DSCAM: variants seen among roughly 807,000 people sequenced by gnomAD.
The protein encoded by DSCAM is cell adhesion molecule DSCAM.
In DSCAM, 47 loss-of-function variants were observed where a neutral mutation model predicts 217.7. The ratio of observed to expected loss-of-function variants is 0.22; its 90% CI spans 0.17 to 0.28. DSCAM has a LOEUF of 0.28. Ranked by LOEUF, DSCAM falls within the 10% of genes least tolerant of loss-of-function variation. The pLI, the probability that DSCAM is intolerant of heterozygous loss-of-function variation, is 1.00. For synonymous variants in DSCAM, 1,056 were observed against 1,015.3 expected (o/e 1.04, Z -0.76); for missense variants, 2,080 against 2,618.3 (o/e 0.79, Z 4.49).
At chr21:40,597,654 C>T (rs929209575) in intron 3 of DSCAM, among the ~76,000 whole-genome samples, 1 of 151,612 alleles carries the variant, frequency 6.6e-6, no homozygotes, top group African/African-American at 2.4e-5. Flanking sequence ...CTACAGGTGC[C>T]CACCACCACG....
chr21:40,056,587 T>C (rs1316444452), intron 28 of DSCAM, among the ~76,000 whole-genome samples: 1 of 152,066 alleles, frequency 6.6e-6, no homozygotes, highest in African/African-American at 2.4e-5. Context: ...AAAAAGTCAA[T>C]AAAGACTTTA....
chr21:40,647,062 T>A (rs1013417183), intron 3 of DSCAM, among the ~76,000 whole-genome samples: 26 of 152,254 alleles, frequency 1.7e-4, no homozygotes, highest in African/African-American at 5.3e-4. Flanking sequence ...CAAATATGCA[T>A]GGGGCTATGC....
chr21:40,731,852 C>A (rs1601185643), intron 1 of DSCAM, among the ~76,000 whole-genome samples: 2 of 151,772 alleles, frequency 1.3e-5, no homozygotes, highest in Middle Eastern at 6.8e-3. Flanking sequence ...CCTCAGCCTC[C>A]TGAGCAGATG....
At chr21:40,064,503 G>T (rs2089177036) in intron 27 of DSCAM, among the ~76,000 whole-genome samples, 1 of 152,134 alleles carries the variant, frequency 6.6e-6, no homozygotes, top group African/African-American at 2.4e-5. Context: ...CACAATGACT[G>T]CCATGCCGAC....
chr21:40,340,573 G>T (rs2074480607), intron 6 of DSCAM, among the ~76,000 whole-genome samples: 1 of 152,152 alleles, frequency 6.6e-6, no homozygotes, highest in African/African-American at 2.4e-5. Context: ...GCAATCACAT[G>T]CCACAGGATT....
intron 3 of DSCAM, among the ~76,000 whole-genome samples, chr21:40,516,448 G>A (rs756634225): frequency 1.3e-5 from 2 of 152,026 alleles, no homozygotes; most frequent in African/African-American, 2.4e-5. Context: ...CTCTTTAGCA[G>A]GAAGACAGGA....
intron 3 of DSCAM, among the ~76,000 whole-genome samples, chr21:40,676,878 A>ACGAGTCACGTGCATC (rs2090346024): frequency 6.6e-6 from 1 of 152,152 alleles, no homozygotes; most frequent in Admixed American, 6.5e-5. Context: ...AACTGTGGAA[A>ACGAGTCACGTGCATC]CGAGTCACGT....
chr21:40,057,996 C>A (rs142946038), intron 28 of DSCAM, among the ~76,000 whole-genome samples: 4,949 of 151,964 alleles, frequency 0.033, 157 homozygotes, highest in East Asian at 0.14. Context: ...CTTCCTCAGC[C>A]TCCCGAGTAG....
chr21:40,780,421 G>GTATATATATATATATATATA (rs1490666344), intron 1 of DSCAM, among the ~76,000 whole-genome samples: 524 of 47,770 alleles, frequency 0.011, 5 homozygotes, highest in African/African-American at 0.023. Context: ...GTGTGTGTGT[G>GTATATATATATATATATATA]TGTATATATA....
In DSCAM at chr21:40,287,025, T is replaced by G. The variant is rs371026723; in HGVS notation, c.2182+9030A>C. On this transcript the variant is annotated intron_variant, in intron 10 of 32. Transcript: ENST00000400454. The stretch of plus-strand genomic sequence containing the variant: ...CAGTATGATCTGCAGGTATCTGCGG[T>G]GTGATCTGCAGTGTGATCACAGTGT... Among the ~76,000 whole-genome samples the G allele has an allele frequency of 3.5e-4, 51 of 144,560 alleles. No homozygotes were observed. In the South Asian group the frequency reaches 9.6e-3, roughly 27 times the overall value. The allele number at this position is 144,560 out of a possible 152,430, so 94.8% of individuals were successfully genotyped here.
intron 3 of DSCAM, among the ~76,000 whole-genome samples, chr21:40,610,080 C>T (rs1248748447): frequency 6.6e-6 from 1 of 152,186 alleles, no homozygotes; most frequent in African/African-American, 2.4e-5. Context: ...AAGCACGGGG[C>T]TTGGGACATA....
intron 3 of DSCAM, among the ~76,000 whole-genome samples, chr21:40,472,069 TA>T (rs1199001499): frequency 1.3e-5 from 2 of 152,140 alleles, no homozygotes; most frequent in East Asian, 3.9e-4. Flanking sequence ...AAAACAGAGA[TA>T]TAGACCAATG....
At chr21:40,772,788 G>A (rs1421605599) in intron 1 of DSCAM, among the ~76,000 whole-genome samples, 5 of 152,164 alleles carry the variant, frequency 3.3e-5, no homozygotes, top group African/African-American at 4.8e-5. Flanking sequence ...ACGTCCTCTC[G>A]TGGCTGCCAC....
intron 1 of DSCAM, among the ~76,000 whole-genome samples, chr21:40,755,460 TAAATAAA>T (rs1262719584): frequency 1.3e-5 from 2 of 151,532 alleles, no homozygotes; most frequent in East Asian, 3.9e-4. Flanking sequence ...TGCTAAAAAA[TAAATAAA>T]AAATAAAAAA....
intron 3 of DSCAM, among the ~76,000 whole-genome samples, chr21:40,373,839 C>A (rs1235340610): frequency 6.6e-6 from 1 of 152,186 alleles, no homozygotes; most frequent in Non-Finnish European, 1.5e-5. Flanking sequence ...CCCTTTCCAG[C>A]TGTGTGGCCT....
intron 11 of DSCAM, among the ~76,000 whole-genome samples, chr21:40,235,519 A>G (rs2091420704): frequency 6.6e-6 from 1 of 152,168 alleles, no homozygotes; most frequent in Non-Finnish European, 1.5e-5. Context: ...CCCTTCAGCA[A>G]GAGAGCTCAG....
intron 10 of DSCAM, among the ~76,000 whole-genome samples, chr21:40,281,916 T>C (rs1237893989): frequency 6.6e-6 from 1 of 152,216 alleles, no homozygotes; most frequent in Non-Finnish European, 1.5e-5. Context: ...CAAAACTCTT[T>C]TTTTGTTCTC....
intron 27 of DSCAM, among the ~76,000 whole-genome samples, chr21:40,068,577 A>G (rs1333851307): frequency 6.6e-6 from 1 of 152,214 alleles, no homozygotes; most frequent in East Asian, 1.9e-4. Context: ...GTGTTAATAC[A>G]TCTTCTAATT....
intron 1 of DSCAM, among the ~76,000 whole-genome samples, chr21:40,752,884 G>A (rs1257433977): frequency 2.6e-5 from 4 of 152,148 alleles, no homozygotes; most frequent in Admixed American, 6.5e-5. Flanking sequence ...CCCCAGAAAC[G>A]TTTAAATAAT....
Sources: allele counts gnomAD v4.1 joint callset (sites outside exome capture counted in the v4.1 genomes callset), GRCh38; gene constraint gnomAD v4.1.1; transcripts MANE v1.5; gene names NCBI Gene and HGNC (gene_info 2026-07-23, HGNC 2026-07-21).